Variants in SPIDR observed in about 807,000 individuals in gnomAD.
SPIDR encodes the protein DNA repair-scaffolding protein.
SPIDR carries 93 observed loss-of-function variants against 104.6 expected under a neutral mutation model. That is an observed-to-expected ratio of 0.89 (90% CI 0.75 to 1.06). The LOEUF is 1.06. Among genes scored for constraint, SPIDR ranks in the 50% least tolerant of loss-of-function variants. SPIDR has a pLI of 0.00. For synonymous variants in SPIDR, 431 were observed against 416.9 expected, an observed-to-expected ratio of 1.03 and a Z score of -0.41; for missense variants, 1,154 against 1,111.2, an observed-to-expected ratio of 1.04 and a Z score of -0.55.
intron 8 of SPIDR, among the ~76,000 whole-genome samples, chr8:47,545,540 C>G (rs1031990040): frequency 6.6e-6 from 1 of 151,948 alleles, no homozygotes; most frequent in Non-Finnish European, 1.5e-5. Context: ...TTTGTAGATT[C>G]TTTCATAACT....
At chr8:47,679,395 T>C (rs2076823423) in intron 11 of SPIDR, among the ~76,000 whole-genome samples, 2 of 151,060 alleles carry the variant, frequency 1.3e-5, no homozygotes, top group South Asian at 4.2e-4. Context: ...AGTGCTGGCC[T>C]GTGCCAGGTC....
At chr8:47,462,156 G>T (rs1275882259) in intron 8 of SPIDR, among the ~76,000 whole-genome samples, 1 of 152,118 alleles carries the variant, frequency 6.6e-6, no homozygotes, top group Non-Finnish European at 1.5e-5. Flanking sequence ...GGCTTCCTGA[G>T]AGCCAAGCTG....
intron 7 of SPIDR, among the ~76,000 whole-genome samples, chr8:47,414,562 C>T (rs1034422396): frequency 7.9e-5 from 12 of 152,128 alleles, no homozygotes; most frequent in African/African-American, 2.9e-4. Context: ...TTTCTTTCCA[C>T]GTGTCTTCCA....
At chr8:47,294,176 C>G (rs2040426700) in intron 5 of SPIDR, 146 bp downstream of exon 5, 1 of 992,540 alleles carries the variant, frequency 1.0e-6, no homozygotes, top group Non-Finnish European at 1.4e-6. Context: ...TCTTTACTCA[C>G]TTATCTCTAA....
chr8:47,435,065 C>T (rs1229455032), intron 7 of SPIDR, among the ~76,000 whole-genome samples: 1 of 152,036 alleles, frequency 6.6e-6, no homozygotes, highest in East Asian at 1.9e-4. Context: ...GTGATCATAG[C>T]TGACTATAAC....
intron 10 of SPIDR, among the ~76,000 whole-genome samples, chr8:47,671,758 T>A (rs10104074): frequency 0.028 from 4,236 of 152,288 alleles, 208 homozygotes; most frequent in African/African-American, 0.095. Context: ...TTTAGAAGGT[T>A]GATTTAAGTC....
chr8:47,511,736 C>CA (rs2154376313), intron 8 of SPIDR: 1 of 1,282,860 alleles, frequency 7.8e-7, no homozygotes, highest in South Asian at 1.2e-5. Flanking sequence ...CTGTTGGTCA[C>CA]TCGCTCCACA....
intron 5 of SPIDR, among the ~76,000 whole-genome samples, chr8:47,366,839 G>T (rs1448197053): frequency 6.6e-6 from 1 of 152,128 alleles, no homozygotes; most frequent in Non-Finnish European, 1.5e-5. Context: ...TCTGCTCTCA[G>T]GATTGAAAAC....
At chr8:47,401,559 C>T (rs942531243) in intron 6 of SPIDR, among the ~76,000 whole-genome samples, 2 of 152,128 alleles carry the variant, frequency 1.3e-5, no homozygotes, top group African/African-American at 4.8e-5. Flanking sequence ...AGAGTCCAGA[C>T]CCATCAGTGT....
intron 5 of SPIDR, among the ~76,000 whole-genome samples, chr8:47,370,027 C>T (rs1478270925): frequency 1.3e-5 from 2 of 150,766 alleles, no homozygotes; most frequent in African/African-American, 4.9e-5. Context: ...ATTTTCTGCA[C>T]TGTAAGTCTC....
At chr8:47,699,716 G>A (rs1193636343) in intron 11 of SPIDR, among the ~76,000 whole-genome samples, 3 of 152,236 alleles carry the variant, frequency 2.0e-5, no homozygotes, top group East Asian at 1.9e-4. Flanking sequence ...CATCATGCCC[G>A]GCTAATTTTT....
chr8:47,606,498 C>T (rs767694975), intron 10 of SPIDR, among the ~76,000 whole-genome samples: 5 of 152,026 alleles, frequency 3.3e-5, no homozygotes, highest in African/African-American at 4.8e-5. Flanking sequence ...TGCACTCCAG[C>T]CTGGGCAACA....
At chr8:47,379,590 G>T (rs1383798944) in intron 5 of SPIDR, among the ~76,000 whole-genome samples, 1 of 152,162 alleles carries the variant, frequency 6.6e-6, no homozygotes, top group Non-Finnish European at 1.5e-5. Flanking sequence ...AGATTTTAGA[G>T]AATTCAGCTC....
intron 5 of SPIDR, among the ~76,000 whole-genome samples, chr8:47,350,130 C>T (rs1390528111): frequency 1.3e-5 from 2 of 152,172 alleles, no homozygotes; most frequent in Admixed American, 1.3e-4. Context: ...AATAATCCAA[C>T]AAATTTGCTG....
At chr8:47,266,825 T>C (rs2034166171) in intron 1 of SPIDR, among the ~76,000 whole-genome samples, 1 of 152,226 alleles carries the variant, frequency 6.6e-6, no homozygotes, top group African/African-American at 2.4e-5. Flanking sequence ...GTTGTACAAA[T>C]GTTCCTAATT....
intron 6 of SPIDR, among the ~76,000 whole-genome samples, chr8:47,405,760 G>T (rs1053738863): frequency 2.6e-5 from 4 of 152,158 alleles, no homozygotes; most frequent in Non-Finnish European, 4.4e-5. Context: ...AGATGGCAGG[G>T]CCTTCCTGAA....
At chr8:47,479,077 G>A (rs2076591431) in intron 8 of SPIDR, among the ~76,000 whole-genome samples, 1 of 152,080 alleles carries the variant, frequency 6.6e-6, no homozygotes, top group Admixed American at 6.5e-5. Flanking sequence ...AAAGGGATGT[G>A]GGGCGGGGTG....
At chr8:47,337,267 A>G (rs776876998) in intron 5 of SPIDR, among the ~76,000 whole-genome samples, 1 of 151,990 alleles carries the variant, frequency 6.6e-6, no homozygotes, top group Non-Finnish European at 1.5e-5. Flanking sequence ...AACTGGGACT[A>G]CAGAGGGGCC....
intron 9 of SPIDR, among the ~76,000 whole-genome samples, chr8:47,597,333 A>C (rs879517101): frequency 6.6e-6 from 1 of 152,116 alleles, no homozygotes; most frequent in African/African-American, 2.4e-5. Context: ...GTCATTTAGC[A>C]TTAGGTATAT....
Sources: gnomAD v4.1 joint callset for allele counts (sites outside exome capture counted in the v4.1 genomes callset) on GRCh38, gnomAD v4.1.1 for gene constraint, MANE v1.5 for transcripts, NCBI Gene and HGNC (gene_info 2026-07-23, HGNC 2026-07-21) for gene names.